The following DUSP11 variants were observed in gnomAD, a reference collection of about 807,000 sequenced individuals.
The protein encoded by DUSP11 is RNA/RNP complex-1-interacting phosphatase.
In DUSP11, 27 loss-of-function variants were observed where a neutral mutation model predicts 41.4. That is an observed-to-expected ratio of 0.65 (90% CI 0.48 to 0.90). The LOEUF (loss-of-function observed/expected upper bound fraction) is 0.90, where lower values mean the gene tolerates loss of function less well. Among genes scored for constraint, DUSP11 ranks in the 40% least tolerant of loss-of-function variants. The pLI, the probability that DUSP11 is intolerant of heterozygous loss-of-function variation, is 0.00. For synonymous variants in DUSP11, 188 were observed against 159.3 expected (o/e 1.18, Z -1.35); for missense variants, 465 against 461.1 (o/e 1.01, Z -0.08).
intron 2 of DUSP11, among the ~76,000 whole-genome samples, chr2:73,775,851 CAAAAAAAAAATTTAAAAAA>C (rs1384592554): frequency 6.8e-5 from 3 of 43,942 alleles, no homozygotes; most frequent in African/African-American, 3.0e-4. Flanking sequence ...GACTCCATCT[CAAAAAAAAAATTTAAAAAA>C]AAAAAAAAAA....
At chr2:73,779,749 A>C in intron 1 of DUSP11, 125 bp downstream of exon 1, 1 of 1,469,888 alleles carries the variant, frequency 6.8e-7, no homozygotes, top group Non-Finnish European at 9.2e-7. Flanking sequence ...TCAAAGCCTC[A>C]AAGCAAGCGG....
At chr2:73,764,340 G>A (rs1444323770) in intron 8 of DUSP11, among the ~76,000 whole-genome samples, 1 of 151,952 alleles carries the variant, frequency 6.6e-6, no homozygotes, top group African/African-American at 2.4e-5. Flanking sequence ...ATGTTGCCCA[G>A]GGTGGTCTCA....
chr2:73,767,453 TAAAC>T (rs1301986814), intron 5 of DUSP11: 5 of 348,422 alleles, frequency 1.4e-5, no homozygotes, highest in Middle Eastern at 8.3e-4. Context: ...TGTAATTTAA[TAAAC>T]AAAAGGAAAG....
chr2:73,774,976 T>C (rs1418185085), exon 3 of DUSP11: 8 of 1,612,728 alleles, frequency 5.0e-6, no homozygotes, highest in Non-Finnish European at 6.8e-6. Flanking sequence ...CTTCATTTTG[T>C]TCTCGGATTT....
In DUSP11 at chr2:73,766,613, C is replaced by T. The variant is rs1488152486; in HGVS notation, c.759-19G>A. 2.9e-5 allele frequency: 46 copies of T among 1,594,142 alleles called. No homozygotes were observed. The highest frequency in any genetic ancestry group is 3.6e-5 in the Non-Finnish European group (42 of 1,172,680). Reference sequence around the variant, plus strand: ...CCAATTCCTTAAAGAGAATATTTTCCACACAATATTACTGGTTTCCAAATT... The same window carrying T: ...CCAATTCCTTAAAGAGAATATTTTCTACACAATATTACTGGTTTCCAAATT... On this transcript the variant is annotated intron_variant, in intron 7 of 8. Coordinates refer to ENST00000272444, the Ensembl canonical transcript of DUSP11.
chr2:73,771,594 C>T (rs1475269537), intron 4 of DUSP11, among the ~76,000 whole-genome samples: 1 of 151,202 alleles, frequency 6.6e-6, no homozygotes, highest in Non-Finnish European at 1.5e-5. Flanking sequence ...CCCAGGTTCA[C>T]GCCATTCCCC....
intron 8 of DUSP11, among the ~76,000 whole-genome samples, chr2:73,764,737 C>A (rs1052049507): frequency 2.0e-5 from 3 of 152,202 alleles, no homozygotes; most frequent in African/African-American, 7.2e-5. Flanking sequence ...GAGGCCGAGG[C>A]AGGCAGATCA....
In DUSP11 at chr2:73,766,598, A is replaced by G; in HGVS notation, c.759-4T>C. ...GGGTACACTGGAATTCCAATTCCTT[A>G]AAGAGAATATTTTCCACACAATATT... On this transcript the variant is annotated splice_polypyrimidine_tract_variant and splice_region_variant and intron_variant, in intron 7 of 8. Transcript: ENST00000272444. 2 of 1,602,048 alleles carry G rather than the reference A, an allele frequency of 1.2e-6. No homozygotes were observed. Among genetic ancestry groups the G allele is most frequent in the Non-Finnish European group, 1.7e-6 (2 of 1,176,264 alleles).
At chr2:73,764,903 T>C (rs1320185672) in intron 8 of DUSP11, among the ~76,000 whole-genome samples, 2 of 151,884 alleles carry the variant, frequency 1.3e-5, no homozygotes, top group Admixed American at 1.3e-4. Flanking sequence ...GAGGTGGAGG[T>C]TGCAGTGAGC....
intron 2 of DUSP11, among the ~76,000 whole-genome samples, chr2:73,777,225 C>G (rs148743375): frequency 2.0e-4 from 31 of 152,338 alleles, no homozygotes; most frequent in African/African-American, 7.5e-4. Context: ...GCGATACACC[C>G]ACCTTGCCTC....
rs1171925870 is a variant in DUSP11, at chr2:73,766,743, C to G, written c.758+85G>C. ...TCCCCCCAACAAACAAACAAGCTACCAGAAGAATGAACATATGCAACTTAA... is the reference window on the plus strand; with the variant it reads ...TCCCCCCAACAAACAAACAAGCTACGAGAAGAATGAACATATGCAACTTAA... On this transcript the variant is annotated intron_variant, in intron 7 of 8. Coordinates refer to ENST00000272444, the Ensembl canonical transcript of DUSP11. 2.6e-5 allele frequency: 36 copies of G among 1,376,516 alleles called. No individual in the cohort carries two copies. The East Asian group carries it at 8.3e-4, about 32-fold the overall frequency. The allele number at this position is 1,376,516 out of a possible 1,614,324, so 85.3% of individuals were successfully genotyped here. A position where few individuals can be genotyped will look rare whatever the true frequency, so the allele number is the denominator to read the frequency against.
At position 73,773,488 on chromosome 2, in the gene DUSP11, C is replaced by T. The variant is rs190478985; in HGVS notation, c.574+312G>A. ...CAGAGTTTTTTAATCTTTTCTTCTA[C>T]TTCTCACTTCTTAACCAATATAGAA... On this transcript the variant is annotated intron_variant, in intron 4 of 8. Transcript: ENST00000272444. 2.6e-3 allele frequency: 945 copies of T among 369,990 alleles called. 6 individuals carry two copies. The highest frequency in any genetic ancestry group is 3.9e-3 in the Non-Finnish European group (746 of 191,122). The allele number at this position is 369,990 out of a possible 1,614,324, so 22.9% of individuals were successfully genotyped here. A position where few individuals can be genotyped will look rare whatever the true frequency, so the allele number is the denominator to read the frequency against.
chr2:73,778,473 C>G, intron 1 of DUSP11, 97 bp from the exon 2 acceptor site: 1 of 683,988 alleles, frequency 1.5e-6, no homozygotes, highest in Admixed American at 3.8e-5. Context: ...GCCCGCACAA[C>G]ATGTCCTCTC....
At chr2:73,764,693 G>A (rs1396806752) in intron 8 of DUSP11, among the ~76,000 whole-genome samples, 2 of 152,198 alleles carry the variant, frequency 1.3e-5, no homozygotes, top group African/African-American at 2.4e-5. Flanking sequence ...CTGGCTGGGC[G>A]AGGTGGTTCA....
At chr2:73,769,008 T>C in intron 5 of DUSP11, 1 of 350,746 alleles carries the variant, frequency 2.9e-6, no homozygotes, top group Non-Finnish European at 5.1e-6. Flanking sequence ...CAAAGAAAGA[T>C]GTCTATCACA....
At position 73,771,534 on chromosome 2, in the gene DUSP11, C is replaced by T. The variant is rs557876984; in HGVS notation, c.575-2209G>A. On this transcript the variant is annotated intron_variant, in intron 4 of 8. Transcript: ENST00000272444. ...TTTGAGATGGAGTCTCGCTCTGTCG[C>T]CCAGGCTGGAGTGCAGTGGCGCAAT... Among the ~76,000 whole-genome samples the T allele has an allele frequency of 1.3e-3, 197 of 152,054 alleles. 2 individuals carry two copies. The highest frequency in any genetic ancestry group is 4.6e-3 in the African/African-American group (190 of 41,490).
chr2:73,771,571 G>GC (rs1381090532), intron 4 of DUSP11, among the ~76,000 whole-genome samples: 3 of 151,288 alleles, frequency 2.0e-5, no homozygotes, highest in Non-Finnish European at 4.4e-5. Context: ...TCGGCTCACT[G>GC]CAAGTTCCGC....
At chr2:73,773,637 A>G in intron 4 of DUSP11, 163 bp downstream of exon 4, 1 of 695,854 alleles carries the variant, frequency 1.4e-6, no homozygotes, top group Non-Finnish European at 2.3e-6. Context: ...ATTTGTGATC[A>G]ACAAAAGGAA....
chr2:73,767,116 T>G (rs1672480565), intron 6 of DUSP11, 45 bp downstream of exon 6: 1 of 1,548,380 alleles, frequency 6.5e-7, no homozygotes, highest in Non-Finnish European at 8.9e-7. Context: ...ATTTCCACCT[T>G]TAACTTTAAT....
Sources: allele counts gnomAD v4.1 joint callset (sites outside exome capture counted in the v4.1 genomes callset), GRCh38; gene constraint gnomAD v4.1.1; transcripts MANE v1.5; gene names NCBI Gene and HGNC (gene_info 2026-07-23, HGNC 2026-07-21).